The following SPDYE10 variants were observed in gnomAD, a reference collection of about 807,000 sequenced individuals.
SPDYE10 encodes speedy/RINGO cell cycle regulator family member E10, also known as speedy protein E10.
chr7:73,122,918 C>T, the SPDYE10 span, among the ~76,000 whole-genome samples: 2 of 152,100 alleles, frequency 1.3e-5, no homozygotes, highest in South Asian at 2.1e-4. Context: ...GTTTTTAGAA[C>T]AAGAACATCA....
chr7:73,117,782 G>A, the SPDYE10 span, among the ~76,000 whole-genome samples: 2 of 144,322 alleles, frequency 1.4e-5, no homozygotes, highest in African/African-American at 5.3e-5. Flanking sequence ...TTTTCCTTAT[G>A]TTTCTCCAGA....
chr7:73,120,599 T>C, the SPDYE10 span, among the ~76,000 whole-genome samples: 1 of 108,520 alleles, frequency 9.2e-6, no homozygotes, highest in East Asian at 2.5e-4. Context: ...CCATCCTGGC[T>C]AACATGGTGA....
At chr7:73,113,735 A>C in the SPDYE10 span, among the ~76,000 whole-genome samples, 44 of 152,172 alleles carry the variant, frequency 2.9e-4, 1 homozygote, top group Middle Eastern at 3.4e-3. Context: ...CTCTACTAAA[A>C]ATACAAAAAA....
At chr7:73,134,561 G>GAAAGAAAGA in the SPDYE10 span, among the ~76,000 whole-genome samples, 1 of 152,068 alleles carries the variant, frequency 6.6e-6, no homozygotes, top group Non-Finnish European at 1.5e-5. Context: ...AAGAAAGAAA[G>GAAAGAAAGA]AAAGAAACCG....
the SPDYE10 span, among the ~76,000 whole-genome samples, chr7:73,150,948 ATTT>A: frequency 1.4e-3 from 7 of 4,938 alleles, no homozygotes; most frequent in African/African-American, 2.7e-3. Flanking sequence ...ATATATATAT[ATTT>A]TTTTTTTTTT....
At chr7:73,152,313 AGTT>A in the SPDYE10 span, among the ~76,000 whole-genome samples, 2 of 136,416 alleles carry the variant, frequency 1.5e-5, no homozygotes, top group Admixed American at 1.4e-4. Context: ...GCACCCTGCC[AGTT>A]GTTTTTTTTT....
At chr7:73,114,894 G>A in the SPDYE10 span, among the ~76,000 whole-genome samples, 889 of 143,018 alleles carry the variant, frequency 6.2e-3, no homozygotes, top group East Asian at 0.047. Context: ...TCCACAGCGG[G>A]TCATCTGATT....
chr7:73,114,330 A>AC, the SPDYE10 span, among the ~76,000 whole-genome samples: 11 of 138,028 alleles, frequency 8.0e-5, no homozygotes, highest in South Asian at 2.4e-4. Context: ...TAGAACAGTC[A>AC]CCAGGAGCGG....
At chr7:73,113,930 G>A in the SPDYE10 span, among the ~76,000 whole-genome samples, 1 of 152,046 alleles carries the variant, frequency 6.6e-6, no homozygotes, top group East Asian at 1.9e-4. Flanking sequence ...GGAGGCTGAG[G>A]CAGGAGAATG....
the SPDYE10 span, among the ~76,000 whole-genome samples, chr7:73,134,553 G>GAAAGAAAGAAAGAAAGAA: frequency 1.3e-5 from 2 of 152,144 alleles, no homozygotes; most frequent in African/African-American, 2.4e-5. Flanking sequence ...AAGAAAGAAA[G>GAAAGAAAGAAAGAAAGAA]AAAGAAAGAA....
chr7:73,114,959 T>A, the SPDYE10 span, among the ~76,000 whole-genome samples: 9 of 149,870 alleles, frequency 6.0e-5, no homozygotes, highest in East Asian at 1.8e-3. Context: ...CAGGCTGGAG[T>A]GCACTGGGCT....
chr7:73,104,836 A>C, the SPDYE10 span: 2 of 146,640 alleles, frequency 1.4e-5, no homozygotes, highest in Non-Finnish European at 1.5e-5. Context: ...AATACAGAAA[A>C]AAATTTAAAG....
the SPDYE10 span, among the ~76,000 whole-genome samples, chr7:73,123,733 C>T: frequency 6.6e-6 from 1 of 151,536 alleles, no homozygotes; most frequent in African/African-American, 2.4e-5. Flanking sequence ...GCTGGGATTA[C>T]AGGCATGAGC....
At chr7:73,104,491 A>G in the SPDYE10 span, 4 of 102,468 alleles carry the variant, frequency 3.9e-5, no homozygotes, top group East Asian at 4.9e-4. Context: ...TATTTAAAAT[A>G]ATATTTAAAG....
chr7:73,142,666 G>C, the SPDYE10 span, among the ~76,000 whole-genome samples: 1 of 152,126 alleles, frequency 6.6e-6, no homozygotes, highest in Non-Finnish European at 1.5e-5. Context: ...GCCAGGCACA[G>C]TGGCTGATGC....
At chr7:73,154,291 C>T in the SPDYE10 span, among the ~76,000 whole-genome samples, 15,651 of 93,636 alleles carry the variant, frequency 0.17, no homozygotes, top group East Asian at 0.46. Context: ...TCTCCTCCCT[C>T]ACATTTTCCG....
the SPDYE10 span, among the ~76,000 whole-genome samples, chr7:73,137,890 A>AGAGGGGAAGGGGAGGG: frequency 1.4e-5 from 1 of 70,220 alleles, no homozygotes; most frequent in Non-Finnish European, 2.9e-5. Flanking sequence ...GAGGGGAAGG[A>AGAGGGGAAGGGGAGGG]GAGGGGAAGG....
At chr7:73,130,306 A>G in the SPDYE10 span, among the ~76,000 whole-genome samples, 1 of 152,084 alleles carries the variant, frequency 6.6e-6, no homozygotes, top group Non-Finnish European at 1.5e-5. Context: ...AAAAAAAAAA[A>G]AAAATCAACT....
the SPDYE10 span, among the ~76,000 whole-genome samples, chr7:73,113,895 GGGCACCTGTATTCCCAGCTACTCAGGA>G: frequency 3.9e-5 from 6 of 151,976 alleles, no homozygotes; most frequent in Non-Finnish European, 5.9e-5. Context: ...GCATGGTTGC[GGGCACCTGTATTCCCAGCTACTCAGGA>G]GGCTGAGGCA....
Sources: gnomAD v4.1 joint callset for allele counts (sites outside exome capture counted in the v4.1 genomes callset) on GRCh38, gnomAD v4.1.1 for gene constraint, MANE v1.5 for transcripts, NCBI Gene and HGNC (gene_info 2026-07-23, HGNC 2026-07-21) for gene names.